The following CFAP69 variants were observed in gnomAD, a reference collection of about 807,000 sequenced individuals.
The protein encoded by CFAP69 is cilia- and flagella-associated protein 69.
CFAP69 carries 92 observed loss-of-function variants against 123.0 expected under a neutral mutation model. The ratio of observed to expected loss-of-function variants is 0.75; its 90% CI spans 0.63 to 0.89. The LOEUF (loss-of-function observed/expected upper bound fraction) is 0.89. CFAP69 is among the 40% of genes least tolerant of loss of function. CFAP69 has a pLI of 0.00. For missense variants in CFAP69, 1,067 were observed against 1,096.9 expected, an observed-to-expected ratio of 0.97 and a Z score of 0.39; for synonymous variants, 380 against 364.3, an observed-to-expected ratio of 1.04 and a Z score of -0.49.
intron 8 of CFAP69, among the ~76,000 whole-genome samples, chr7:90,273,388 A>G (rs1285658698): frequency 1.3e-5 from 2 of 152,202 alleles, no homozygotes; most frequent in Non-Finnish European, 1.5e-5. Context: ...ATAGTCTTTA[A>G]ATGGTTTTAC....
chr7:90,297,792 G>T lies in CFAP69; in HGVS notation c.1819G>T (p.Glu607Ter). 6.4e-7 allele frequency: 1 copy of T among 1,573,522 alleles called. No individual in the cohort carries two copies. The highest frequency in any genetic ancestry group is 8.6e-7 in the Non-Finnish European group (1 of 1,167,802). The change falls in exon 16 of 23, where the codon GAA becomes TAA. Residue 607 changes from glutamate to a stop codon, truncating the protein, a stop_gained. Coordinates refer to ENST00000389297, the MANE Select transcript of CFAP69 (RefSeq NM_001039706.3). LOFTEE classifies it high-confidence loss of function. ...TTATCCCTCAGAGGATTATTTTCTT[G>T]AAAAGGAAGGCATTTTTCTCCTTTT... is the stretch of plus-strand genomic sequence containing the variant. ...GCYPSEDYFL[E>*]KEGIFLLLDL... is the part of the protein sequence containing the mutation.
intron 6 of CFAP69, chr7:90,268,981 A>T (rs1159113912): frequency 3.3e-5 from 5 of 152,124 alleles, no homozygotes; most frequent in African/African-American, 4.8e-5. Context: ...CTTAAGTTAT[A>T]TGATTCTTAA....
At chr7:90,255,194 T>C (rs1323275731) in intron 1 of CFAP69, among the ~76,000 whole-genome samples, 1 of 152,224 alleles carries the variant, frequency 6.6e-6, no homozygotes, top group Non-Finnish European at 1.5e-5. Flanking sequence ...CTGATGAAAT[T>C]TTAAAACATT....
Position 90,245,526 on chromosome 7 carries a change from G to A in CFAP69, c.102G>A (p.Thr34=). The A allele has an allele frequency of 6.6e-7, 1 of 1,516,336 alleles. No homozygotes were observed. The highest frequency in any genetic ancestry group is 1.3e-5 in the South Asian group (1 of 78,442). The allele number at this position is 1,516,336 out of a possible 1,614,324, so 93.9% of individuals were successfully genotyped here. A position where few individuals can be genotyped will look rare whatever the true frequency, so the allele number is the denominator to read the frequency against. Residue 34 remains threonine, a synonymous_variant, in exon 1 of 23, where the codon ACG becomes ACA. Transcript: ENST00000389297. ...SSQIPVVGVV[T]EDDEAQDVFK... is the part of the protein sequence containing the mutation. The stretch of plus-strand genomic sequence containing the variant: ...AAATCCCGGTGGTTGGGGTGGTGAC[G>A]GAGGACGATGAGGCGCAGGTATGAG...
chr7:90,294,183 A>C (rs1314400930), intron 15 of CFAP69, among the ~76,000 whole-genome samples: 2 of 152,180 alleles, frequency 1.3e-5, no homozygotes, highest in Non-Finnish European at 2.9e-5. Context: ...AATGCTCCTA[A>C]ATAAATTGAA....
chr7:90,321,641 C>G, the CFAP69 span, among the ~76,000 whole-genome samples: 1 of 152,230 alleles, frequency 6.6e-6, no homozygotes, highest in Non-Finnish European at 1.5e-5. Flanking sequence ...ACACCGTATT[C>G]TCCTATCCAG....
chr7:90,303,590 T>C, intron 17 of CFAP69: 1 of 952,462 alleles, frequency 1.0e-6, no homozygotes, highest in Non-Finnish European at 1.3e-6. Context: ...CATAAAATAG[T>C]TTTTATATTT....
chr7:90,285,052 T>A (rs924747435), intron 13 of CFAP69, among the ~76,000 whole-genome samples: 1 of 152,224 alleles, frequency 6.6e-6, no homozygotes, highest in Non-Finnish European at 1.5e-5. Flanking sequence ...CATTATACTA[T>A]GTGTTACAGG....
chr7:90,289,454 CAA>C (rs1218286100), intron 15 of CFAP69, among the ~76,000 whole-genome samples: 1 of 152,084 alleles, frequency 6.6e-6, no homozygotes, highest in Non-Finnish European at 1.5e-5. Flanking sequence ...AATCCCTACT[CAA>C]GTCTCTTGCT....
chr7:90,274,210 A>C, intron 9 of CFAP69, 100 bp downstream of exon 9: 1 of 1,397,352 alleles, frequency 7.2e-7, no homozygotes, highest in Non-Finnish European at 9.8e-7. Context: ...ATTTTCTTGT[A>C]ATGCTAAGTT....
the CFAP69 span, chr7:90,318,076 A>T: frequency 5.3e-5 from 8 of 152,326 alleles, no homozygotes; most frequent in Admixed American, 1.3e-4. Flanking sequence ...GACCAAATTT[A>T]TAGGCACCCT....
At chr7:90,316,556 G>C in the CFAP69 span, 1 of 152,166 alleles carries the variant, frequency 6.6e-6, no homozygotes, top group African/African-American at 2.4e-5. Context: ...CGTCTGGATT[G>C]TTCACTAATA....
downstream of CFAP69, among the ~76,000 whole-genome samples, chr7:90,314,578 G>A (rs1007940453): frequency 5.9e-5 from 9 of 151,536 alleles, no homozygotes; most frequent in Non-Finnish European, 8.8e-5. Flanking sequence ...GCAGTGAGCC[G>A]TGATTGCACC....
At chr7:90,272,552 C>A (rs1800110543) in intron 8 of CFAP69, among the ~76,000 whole-genome samples, 1 of 152,102 alleles carries the variant, frequency 6.6e-6, no homozygotes, top group African/African-American at 2.4e-5. Flanking sequence ...GATCAGTCAG[C>A]ACATTTTTGT....
chr7:90,287,489 T>G (rs1790476672), intron 14 of CFAP69: 4 of 985,460 alleles, frequency 4.1e-6, no homozygotes, highest in Non-Finnish European at 4.8e-6. Flanking sequence ...TAATCCCCTT[T>G]TATCTTTTTT....
intron 3 of CFAP69, among the ~76,000 whole-genome samples, chr7:90,260,858 T>G (rs1798230356): frequency 6.6e-6 from 1 of 152,138 alleles, no homozygotes; most frequent in Non-Finnish European, 1.5e-5. Flanking sequence ...AGGCTGGCTA[T>G]AGAAGTTGTA....
At chr7:90,304,396 G>A in intron 18 of CFAP69, 1 of 1,206,228 alleles carries the variant, frequency 8.3e-7, no homozygotes, top group Non-Finnish European at 1.0e-6. Context: ...CTGACATTCT[G>A]AGTCACTTGA....
Position 90,304,796 on chromosome 7 carries a change from C to T in CFAP69, c.2241C>T (p.Ile747=). Residue 747 remains isoleucine, a synonymous_variant, in exon 19 of 23, where the codon ATC becomes ATT. Transcript: ENST00000389297. ...CTGAAGATTTTGTCACCCTTTGTATCATACATAGATATCTTGATTTTAAAG... is the reference window on the plus strand; with the variant it reads ...CTGAAGATTTTGTCACCCTTTGTATTATACATAGATATCTTGATTTTAAAG... ...LSAEDFVTLC[I]IHRYLDFKIG... 1 of 1,526,850 alleles carries T rather than the reference C, an allele frequency of 6.5e-7. No individual in the cohort carries two copies. Among genetic ancestry groups the T allele is most frequent in the South Asian group, 1.1e-5 (1 of 87,010 alleles). 94.6% of individuals were successfully genotyped at this position (1,526,850 alleles called of 1,614,324 possible). A position where few individuals can be genotyped will look rare whatever the true frequency, so the allele number is the denominator to read the frequency against.
chr7:90,280,448 G>A (rs774657280), intron 12 of CFAP69, among the ~76,000 whole-genome samples: 13 of 152,166 alleles, frequency 8.5e-5, no homozygotes, highest in South Asian at 4.1e-4. Flanking sequence ...TGCCTACTTC[G>A]GCCTCTCACA....
Sources: gnomAD v4.1 joint callset for allele counts (sites outside exome capture counted in the v4.1 genomes callset) on GRCh38, gnomAD v4.1.1 for gene constraint, MANE v1.5 for transcripts, NCBI Gene and HGNC (gene_info 2026-07-23, HGNC 2026-07-21) for gene names.